AADACL2: variants seen among roughly 807,000 people sequenced by gnomAD.
The protein encoded by AADACL2 is arylacetamide deacetylase-like 2.
A neutral mutation model predicts 22.3 loss-of-function variants in AADACL2; 23 were observed. The observed-to-expected ratio is 1.03, with a 90% CI of 0.74 to 1.46. The LOEUF (loss-of-function observed/expected upper bound fraction) is 1.46, where lower values mean the gene tolerates loss of function less well. Ranked by LOEUF, AADACL2 falls within the 40% of genes most tolerant of loss-of-function variation. The pLI, the probability that AADACL2 is intolerant of heterozygous loss-of-function variation, is 0.00. For missense variants in AADACL2, 472 were observed against 482.9 expected, an observed-to-expected ratio of 0.98 and a Z score of 0.21; for synonymous variants, 177 against 166.2, an observed-to-expected ratio of 1.07 and a Z score of -0.50.
At chr3:151,739,972 A>G (rs13085361) in intron 1 of AADACL2, among the ~76,000 whole-genome samples, 48,709 of 152,068 alleles carry the variant, frequency 0.32, 8,127 homozygotes, top group East Asian at 0.55. Context: ...CCCTCTGATC[A>G]AAACCTCTTG....
At chr3:151,742,839 T>A (rs998488035) in intron 2 of AADACL2, among the ~76,000 whole-genome samples, 1 of 152,186 alleles carries the variant, frequency 6.6e-6, no homozygotes, top group Admixed American at 6.5e-5. Context: ...TCAGCTGTTT[T>A]AAACTATTTG....
chr3:151,756,923 T>C, intron 4 of AADACL2, 69 bp from the exon 5 acceptor site: 1 of 1,458,604 alleles, frequency 6.9e-7, no homozygotes, highest in South Asian at 1.4e-5. Context: ...GACTGCTAGA[T>C]AATTAAATTT....
At chr3:151,743,918 C>G (rs1219488632) in intron 2 of AADACL2, among the ~76,000 whole-genome samples, 175 bp from the exon 3 acceptor site, 1 of 151,890 alleles carries the variant, frequency 6.6e-6, no homozygotes, top group Non-Finnish European at 1.5e-5. Flanking sequence ...GCTGAAAAGA[C>G]TAGGAAGGGG....
At chr3:151,747,218 C>A (rs1713482628) in intron 4 of AADACL2, among the ~76,000 whole-genome samples, 1 of 152,154 alleles carries the variant, frequency 6.6e-6, no homozygotes, top group Non-Finnish European at 1.5e-5. Context: ...ATCATTACCT[C>A]ACATAGTTAC....
rs377647189 is a variant in AADACL2, at chr3:151,734,015, G to C, written c.-21G>C. ...AAAATTTTAATCTCAGTACTGTGAA[G>C]AAGCTGGAAAAAGGGATATTATGGG... On this transcript the variant is annotated 5_prime_UTR_variant, in exon 1 of 5. Transcript: ENST00000356517. 5 of 1,588,846 alleles carry C rather than the reference G, an allele frequency of 3.1e-6. No homozygotes were observed. Among genetic ancestry groups the C allele is most frequent in the Non-Finnish European group, 4.3e-6 (5 of 1,166,446 alleles).
At chr3:151,753,083 G>A (rs986188982) in intron 4 of AADACL2, among the ~76,000 whole-genome samples, 3 of 152,100 alleles carry the variant, frequency 2.0e-5, no homozygotes, top group Non-Finnish European at 4.4e-5. Flanking sequence ...TGATTGACAT[G>A]CAGCATTCTT....
chr3:151,750,629 A>T (rs1713633225), intron 4 of AADACL2, among the ~76,000 whole-genome samples: 1 of 151,994 alleles, frequency 6.6e-6, no homozygotes, highest in Non-Finnish European at 1.5e-5. Context: ...TTAAAATATG[A>T]CTTTAGTTAT....
rs367990288 is a variant in AADACL2 at position 151,740,284 on chromosome 3, T to G, written c.139-362T>G. 1.8e-4 allele frequency among the ~76,000 whole-genome samples: 28 copies of G among 152,292 alleles called. No homozygotes were observed. The East Asian group carries it at 4.6e-3, about 25-fold the overall frequency. On this transcript the variant is annotated intron_variant, in intron 1 of 4. Coordinates refer to ENST00000356517, the MANE Select transcript of AADACL2 (RefSeq NM_207365.4). ...TCCTTGCACTTCCTGGGTGAAGCAA[T>G]GCCCCACCCTGCTTCTGTTCGCCCT...
chr3:151,741,417 T>C (rs1185102035), intron 2 of AADACL2, among the ~76,000 whole-genome samples: 1 of 152,150 alleles, frequency 6.6e-6, no homozygotes, highest in Admixed American at 6.5e-5. Flanking sequence ...TTTTAGGCAT[T>C]TTTCTTACAG....
rs932194168 is a variant in AADACL2 at position 151,759,203 on chromosome 3, T to G, written c.*1609T>G. On this transcript the variant is annotated 3_prime_UTR_variant, in exon 5 of 5. Transcript: ENST00000356517. ...TGTATTTTTCATAATTCTGATTTAATCTCCTGTAAACTTGATATATTTTAA... is the reference window on the plus strand; with the variant it reads ...TGTATTTTTCATAATTCTGATTTAAGCTCCTGTAAACTTGATATATTTTAA... The G allele has an allele frequency of 6.6e-6, 1 of 152,154 alleles. No homozygotes were observed. The allele number at this position is 152,154 out of a possible 1,614,324, so 9.4% of individuals were successfully genotyped here.
Position 151,757,568 on chromosome 3 carries a change from G to A in AADACL2, c.1180G>A (p.Val394Ile). The A allele has an allele frequency of 6.2e-7, 1 of 1,609,808 alleles. No homozygotes were observed. Among genetic ancestry groups the A allele is most frequent in the Non-Finnish European group, 8.5e-7 (1 of 1,177,300 alleles). The change falls in exon 5 of 5, where the codon GTA (valine) becomes ATA (isoleucine). Residue 394 changes from valine (V) to isoleucine (I), a missense_variant. By Grantham distance (29) the Val-to-Ile change is conservative (BLOSUM62 3). Around this residue, in one of 3 missense-constraint regions of AADACL2, gnomAD observed 113 missense variants for 100.9 expected, o/e 1.12. Coordinates refer to ENST00000356517, the MANE Select transcript of AADACL2 (RefSeq NM_207365.4). The part of the protein sequence containing the change: ...RLGLRIRDMY[V>I]SWLDKNL ...AGGTCTTAGGATAAGAGATATGTAT[G>A]TAAGTTGGCTGGATAAGAATTTATA...
intron 1 of AADACL2, among the ~76,000 whole-genome samples, chr3:151,736,488 C>T (rs1436880523): frequency 1.3e-5 from 2 of 151,992 alleles, no homozygotes; most frequent in African/African-American, 2.4e-5. Context: ...CCCTGCCTCC[C>T]GACAGGCCCT....
At chr3:151,742,449 T>C (rs889090498) in intron 2 of AADACL2, among the ~76,000 whole-genome samples, 10 of 152,076 alleles carry the variant, frequency 6.6e-5, no homozygotes, top group African/African-American at 2.4e-4. Context: ...AACAAAAATA[T>C]GGCTTTAATT....
intron 4 of AADACL2, among the ~76,000 whole-genome samples, chr3:151,747,641 G>T (rs375929547): frequency 2.3e-4 from 33 of 143,406 alleles, no homozygotes; most frequent in Non-Finnish European, 9.2e-5. Flanking sequence ...TGTGTGTGTA[G>T]ATACACACAC....
intron 4 of AADACL2, among the ~76,000 whole-genome samples, chr3:151,749,564 G>A (rs981446412): frequency 6.6e-6 from 1 of 151,886 alleles, no homozygotes; most frequent in Non-Finnish European, 1.5e-5. Context: ...CTCACTGCAC[G>A]CTCTGCCTCC....
rs1560290293 is a variant in AADACL2, at chr3:151,761,203, T to TTATATATA, written c.*3609_*3610insTATATATA. The TTATATATA allele has an allele frequency of 1.8e-5, 1 of 55,206 alleles. No homozygotes were observed. The highest frequency in any genetic ancestry group is 8.0e-4 in the South Asian group (1 of 1,256). 3.4% of individuals were successfully genotyped at this position (55,206 alleles called of 1,614,324 possible). ...TATATGGTGAGATATATACATATTG[T>TTATATATA]GATATATATATATATATATATATAT... On this transcript the variant is annotated 3_prime_UTR_variant, in exon 5 of 5. Transcript: ENST00000356517.
At chr3:151,751,224 A>C (rs942247598) in intron 4 of AADACL2, among the ~76,000 whole-genome samples, 1 of 152,196 alleles carries the variant, frequency 6.6e-6, no homozygotes, top group Non-Finnish European at 1.5e-5. Flanking sequence ...TTATTATACT[A>C]ATTACTATGT....
intron 2 of AADACL2, 108 bp from the exon 3 acceptor site, chr3:151,743,985 A>T (rs1204205433): frequency 8.8e-7 from 1 of 1,133,312 alleles, no homozygotes; most frequent in African/African-American, 1.5e-5. Context: ...TGGAAATAAA[A>T]GCTATGTGAT....
rs1714050543 is a variant in AADACL2 at position 151,758,826 on chromosome 3, T to A, written c.*1232T>A. On this transcript the variant is annotated 3_prime_UTR_variant, in exon 5 of 5. Transcript: ENST00000356517. ...AAAAATGTAGTAAGAAATGTGTATATGTATGAGTATGTGCATGTGTGTGGG... is the reference window on the plus strand; with the variant it reads ...AAAAATGTAGTAAGAAATGTGTATAAGTATGAGTATGTGCATGTGTGTGGG... 6.6e-6 allele frequency: 1 copy of A among 152,078 alleles called. No individual in the cohort carries two copies. Among genetic ancestry groups the A allele is most frequent in the South Asian group, 2.1e-4 (1 of 4,826 alleles). 9.4% of individuals were successfully genotyped at this position (152,078 alleles called of 1,614,324 possible).
Sources: allele counts gnomAD v4.1 joint callset (sites outside exome capture counted in the v4.1 genomes callset), GRCh38; gene constraint gnomAD v4.1.1; regional missense constraint gnomAD v4.1.1; transcripts MANE v1.5; gene names NCBI Gene and HGNC (gene_info 2026-07-23, HGNC 2026-07-21).